CAPN2: variants seen among roughly 807,000 people sequenced by gnomAD.
CAPN2 encodes the protein calpain-2 catalytic subunit.
CAPN2 carries 92 observed loss-of-function variants against 102.3 expected under a neutral mutation model. That is an observed-to-expected ratio of 0.90 (90% confidence interval 0.76 to 1.07). CAPN2 has a LOEUF of 1.07. CAPN2 is among the 50% of genes least tolerant of loss of function. The probability of loss-of-function intolerance (pLI) is 0.00; values close to 1 mark genes in which losing one functional copy is unlikely to be tolerated. For missense variants in CAPN2, 800 were observed against 909.4 expected (o/e 0.88, Z 1.55); for synonymous variants, 340 against 355.4 (o/e 0.96, Z 0.49).
At chr1:223,708,194 G>A (rs1410022830), upstream of CAPN2, among the ~76,000 whole-genome samples, 1 of 152,150 alleles carries the variant, frequency 6.6e-6, no homozygotes, top group Admixed American at 6.5e-5. Flanking sequence ...TGGAACCTGT[G>A]TCCCCGCCTT....
intron 5 of CAPN2, among the ~76,000 whole-genome samples, chr1:223,748,773 G>T (rs1348557589): frequency 1.3e-5 from 2 of 152,206 alleles, no homozygotes; most frequent in Non-Finnish European, 2.9e-5. Flanking sequence ...CCGTGGATGC[G>T]CTATTCACAC....
chr1:223,752,188 G>A (rs757345196), intron 8 of CAPN2, 117 bp downstream of exon 8: 121 of 688,694 alleles, frequency 1.8e-4, no homozygotes, highest in Non-Finnish European at 2.8e-4. Flanking sequence ...GGACACAAGC[G>A]TGTGGGATCC....
chr1:223,756,667 T>TAGAA lies in CAPN2; in HGVS notation c.1306-701_1306-700insGAAA, dbSNP rs1571811498. Among the ~76,000 whole-genome samples the TAGAA allele has an allele frequency of 6.6e-6, 1 of 152,198 alleles. No homozygotes were observed. The highest frequency in any genetic ancestry group is 1.9e-4 in the East Asian group (1 of 5,200). ...TTGCCACCCATGGAACACTGACTTC[T>TAGAA]ACCTGCTCACCCACCTGAGAAAGGC... On this transcript the variant is annotated intron_variant, in intron 10 of 20. Coordinates refer to ENST00000295006, the MANE Select transcript of CAPN2 (RefSeq NM_001748.5). This position sits in a 1 kb window ranked among gnomAD's most constrained non-coding sequence, Gnocchi z 4.1.
chr1:223,712,139 G>A (rs1252322771), upstream of CAPN2, among the ~76,000 whole-genome samples: 3 of 152,224 alleles, frequency 2.0e-5, no homozygotes, highest in African/African-American at 7.2e-5. Context: ...GATGTATGCA[G>A]AGCCGTTAAG....
chr1:223,723,460 C>A (rs79188036), intron 2 of CAPN2, among the ~76,000 whole-genome samples: 1,615 of 152,114 alleles, frequency 0.011, 13 homozygotes, highest in African/African-American at 0.029. Context: ...AGTCCCAGCA[C>A]CCCCCTTACC....
chr1:223,759,216 CT>C lies in CAPN2; in HGVS notation c.1318-52del, dbSNP rs1004878493. The C allele has an allele frequency of 2.7e-6, 4 of 1,499,524 alleles. No homozygotes were observed. In the Admixed American group the frequency reaches 6.7e-5, roughly 25 times the overall value. The allele number at this position is 1,499,524 out of a possible 1,614,324, so 92.9% of individuals were successfully genotyped here. ...TTTATCTCAGTGAATGAAAATGATA[CT>C]TGCCTGGAGGCTTCCCCTCATCTAC... On this transcript the variant is annotated intron_variant, in intron 11 of 20. Coordinates refer to ENST00000295006, the MANE Select transcript of CAPN2 (RefSeq NM_001748.5). The surrounding 1 kb of genome is among the most constrained non-coding windows in gnomAD (Gnocchi z 4.6).
chr1:223,748,910 C>G, intron 5 of CAPN2, 129 bp from the exon 6 acceptor site: 1 of 796,984 alleles, frequency 1.3e-6, no homozygotes, highest in East Asian at 2.7e-5. Context: ...CCTGAGCCTC[C>G]CACCCCAGGC....
In CAPN2 at chr1:223,755,769, G is replaced by A. The variant is rs1320332769; in HGVS notation, c.1305+120G>A. Reference sequence around the variant, plus strand: ...ATCCCAGACCGGGAGCTTGGCCAAGGAAAAACAAAACTACCAGCCTGGCCA... The same window carrying A: ...ATCCCAGACCGGGAGCTTGGCCAAGAAAAAACAAAACTACCAGCCTGGCCA... On this transcript the variant is annotated intron_variant, in intron 10 of 20. Transcript: ENST00000295006. This position sits in a 1 kb window ranked among gnomAD's most constrained non-coding sequence, Gnocchi z 4.1. 3 of 1,054,262 alleles carry A rather than the reference G, an allele frequency of 2.8e-6. No individual in the cohort carries two copies. Among genetic ancestry groups the A allele is most frequent in the South Asian group, 1.7e-5 (1 of 57,518 alleles). The allele number at this position is 1,054,262 out of a possible 1,614,324, so 65.3% of individuals were successfully genotyped here.
In CAPN2 at chr1:223,712,664, G is replaced by A; in HGVS notation, c.24G>A (p.Leu8=). ...GCATGGCGGGCATCGCGGCCAAGCTGGCGAAGGACCGGGAGGCGGCCGAGG... is the reference window on the plus strand; with the variant it reads ...GCATGGCGGGCATCGCGGCCAAGCTAGCGAAGGACCGGGAGGCGGCCGAGG... MAGIAAK[L]AKDREAAEGL... The change falls in exon 1 of 21, where the codon CTG becomes CTA. Residue 8 remains leucine (L), a synonymous_variant. Coordinates refer to ENST00000295006, the MANE Select transcript of CAPN2 (RefSeq NM_001748.5). 1 of 1,542,596 alleles carries A rather than the reference G, an allele frequency of 6.5e-7. No individual in the cohort carries two copies. Among genetic ancestry groups the A allele is most frequent in the South Asian group, 1.2e-5 (1 of 82,730 alleles).
At chr1:223,762,323 GGACTTTAGTTTAAAGGGGA>G (rs1661209301) in intron 14 of CAPN2, 72 bp downstream of exon 14, 4 of 1,243,486 alleles carry the variant, frequency 3.2e-6, no homozygotes, top group Non-Finnish European at 4.7e-6. Context: ...GTCCCCAAGG[GGACTTTAGTTTAAAGGGGA>G]GAGGAAACAA....
chr1:223,748,641 C>A (rs1216045788), intron 5 of CAPN2, among the ~76,000 whole-genome samples: 4 of 152,092 alleles, frequency 2.6e-5, no homozygotes, highest in Non-Finnish European at 5.9e-5. Context: ...ATCAGCCCTG[C>A]GCCATCGAGG....
chr1:223,729,629 G>GA (rs1274485106), intron 2 of CAPN2, among the ~76,000 whole-genome samples: 1 of 152,208 alleles, frequency 6.6e-6, no homozygotes, highest in East Asian at 1.9e-4. Flanking sequence ...ACAGGGGCTG[G>GA]AGGGGGCTCC....
chr1:223,765,171 G>A (rs1014144818), intron 15 of CAPN2, among the ~76,000 whole-genome samples: 1 of 152,222 alleles, frequency 6.6e-6, no homozygotes, highest in Non-Finnish European at 1.5e-5. Context: ...GAAGCCTCAT[G>A]GACTTCAAGG....
At chr1:223,735,050 G>T (rs1660417680) in intron 2 of CAPN2, among the ~76,000 whole-genome samples, 1 of 152,062 alleles carries the variant, frequency 6.6e-6, no homozygotes, top group African/African-American at 2.4e-5. Flanking sequence ...AAACATTTGG[G>T]GTTCCAGGTC....
chr1:223,737,721 G>T (rs60436975), intron 2 of CAPN2, among the ~76,000 whole-genome samples: 3 of 70,216 alleles, frequency 4.3e-5, no homozygotes, highest in African/African-American at 1.1e-4. Flanking sequence ...GGGTGGGGGG[G>T]AGAGAATACA....
At chr1:223,770,386 G>C in intron 17 of CAPN2, 61 bp from the exon 18 acceptor site, 1 of 1,117,646 alleles carries the variant, frequency 8.9e-7, no homozygotes, top group Non-Finnish European at 1.4e-6. Flanking sequence ...CACATACTAG[G>C]GAGGTAACTT....
chr1:223,752,092 A>G (rs1051660557), intron 8 of CAPN2, 21 bp downstream of exon 8: 2 of 1,554,218 alleles, frequency 1.3e-6, no homozygotes, highest in Non-Finnish European at 1.8e-6. Flanking sequence ...TGGAGGCTTC[A>G]GGGAAAGCTC....
chr1:223,717,770 C>T lies in CAPN2; in HGVS notation c.246C>T (p.Cys82=), dbSNP rs545615200. The change falls in exon 2 of 21, where the codon TGC becomes TGT. Residue 82 remains cysteine (C), a synonymous_variant. Coordinates refer to ENST00000295006, the MANE Select transcript of CAPN2 (RefSeq NM_001748.5). ...GTGGGTCTCGTTCCCAGGAGATCTGCGCTGACCCCCAGTTTATCATTGGAG... is the reference window on the plus strand; with the variant it reads ...GTGGGTCTCGTTCCCAGGAGATCTGTGCTGACCCCCAGTTTATCATTGGAG... ...GIEWKRPTEI[C]ADPQFIIGGA... The T allele has an allele frequency of 2.6e-5, 42 of 1,613,922 alleles. No individual in the cohort carries two copies. Among genetic ancestry groups the T allele is most frequent in the Admixed American group, 5.0e-5 (3 of 60,022 alleles).
Position 223,712,629 on chromosome 1 carries a change from C to G in CAPN2, c.-12C>G, listed in dbSNP as rs1262006056. On this transcript the variant is annotated 5_prime_UTR_variant, in exon 1 of 21. Transcript: ENST00000295006. ...ACCTTTCTCTGCGCAGTACGGCCGC[C>G]GGGACCGCAGCATGGCGGGCATCGC... is the stretch of plus-strand genomic sequence containing the variant. 2 of 1,514,376 alleles carry G rather than the reference C, an allele frequency of 1.3e-6. No homozygotes were observed. Among genetic ancestry groups the G allele is most frequent in the East Asian group, 5.5e-5 (2 of 36,164 alleles). 93.8% of individuals were successfully genotyped at this position (1,514,376 alleles called of 1,614,324 possible). A position where few individuals can be genotyped will look rare whatever the true frequency, so the allele number is the denominator to read the frequency against.
Sources: allele counts gnomAD v4.1 joint callset (sites outside exome capture counted in the v4.1 genomes callset), GRCh38; gene constraint gnomAD v4.1.1; non-coding constraint Gnocchi (gnomAD v3.1); transcripts MANE v1.5; gene names NCBI Gene and HGNC (gene_info 2026-07-23, HGNC 2026-07-21).